CFAP58: variants seen among roughly 807,000 people sequenced by gnomAD.
CFAP58 encodes cilia and flagella associated protein 58.
CFAP58 carries 88 observed loss-of-function variants against 119.5 expected under a neutral mutation model. That is an observed-to-expected ratio of 0.74 (90% CI 0.62 to 0.88). CFAP58 has a LOEUF of 0.88. Among genes scored for constraint, CFAP58 ranks in the 40% least tolerant of loss-of-function variants. CFAP58 has a pLI of 0.00. For missense variants in CFAP58, 990 were observed against 1,021.2 expected (o/e 0.97, Z 0.42); for synonymous variants, 365 against 366.3 (o/e 1.00, Z 0.04).
At chr10:104,361,409 A>G (rs1386990664) in intron 2 of CFAP58, among the ~76,000 whole-genome samples, 8 of 152,238 alleles carry the variant, frequency 5.3e-5, no homozygotes, top group Non-Finnish European at 1.0e-4. Flanking sequence ...GGATTGTTCT[A>G]AAGTTCACAT....
intron 9 of CFAP58, among the ~76,000 whole-genome samples, chr10:104,385,716 T>C (rs1392744334): frequency 1.3e-5 from 2 of 151,868 alleles, no homozygotes; most frequent in East Asian, 3.9e-4. Flanking sequence ...CTACAGAGAG[T>C]TGGTTTCTGA....
At chr10:104,368,717 C>A (rs1013050405) in intron 6 of CFAP58, among the ~76,000 whole-genome samples, 157 bp downstream of exon 6, 1 of 152,176 alleles carries the variant, frequency 6.6e-6, no homozygotes, top group African/African-American at 2.4e-5. Context: ...GCTTTAGGCC[C>A]AGAAGCAGAG....
At chr10:104,382,332 C>T in intron 9 of CFAP58, 1 of 577,142 alleles carries the variant, frequency 1.7e-6, no homozygotes, top group Non-Finnish European at 3.2e-6. Context: ...TAGGGTGAGG[C>T]AGCAAATATA....
intron 15 of CFAP58, among the ~76,000 whole-genome samples, chr10:104,426,002 G>A (rs1389397837): frequency 1.3e-5 from 2 of 152,160 alleles, no homozygotes; most frequent in Admixed American, 1.3e-4. Flanking sequence ...GGAGGCCGAG[G>A]TGGTGGATTG....
intron 13 of CFAP58, among the ~76,000 whole-genome samples, chr10:104,403,031 A>C (rs1366129471): frequency 6.6e-6 from 1 of 152,318 alleles, no homozygotes; most frequent in South Asian, 2.1e-4. Flanking sequence ...AACATTAAAC[A>C]GTATATTGAA....
intron 15 of CFAP58, among the ~76,000 whole-genome samples, chr10:104,445,078 T>G (rs2133095312): frequency 6.6e-6 from 1 of 152,072 alleles, no homozygotes; most frequent in South Asian, 2.1e-4. Context: ...ATCACAGCAC[T>G]TTGGGAGGCT....
At chr10:104,382,251 G>T (rs1239775322) in intron 9 of CFAP58, 1 of 712,590 alleles carries the variant, frequency 1.4e-6, no homozygotes, top group Non-Finnish European at 2.6e-6. Flanking sequence ...ATATTCCACC[G>T]GCCAACCAAG....
intron 5 of CFAP58, 73 bp downstream of exon 5, chr10:104,366,081 A>T: frequency 7.6e-7 from 1 of 1,311,676 alleles, no homozygotes; most frequent in Non-Finnish European, 1.0e-6. Flanking sequence ...CCTTTTGTGC[A>T]TTTTGAATTC....
intron 1 of CFAP58, among the ~76,000 whole-genome samples, chr10:104,357,973 A>G (rs2014604249): frequency 7.2e-6 from 1 of 138,362 alleles, no homozygotes; most frequent in Non-Finnish European, 1.5e-5. Context: ...ATGTACACAT[A>G]TGTACATATG....
At chr10:104,413,660 G>A (rs948361331) in intron 15 of CFAP58, among the ~76,000 whole-genome samples, 1 of 151,990 alleles carries the variant, frequency 6.6e-6, no homozygotes, top group Non-Finnish European at 1.5e-5. Context: ...GGATGAGGCA[G>A]GTCTATATGC....
At chr10:104,358,084 T>C (rs536884445) in intron 1 of CFAP58, among the ~76,000 whole-genome samples, 129 of 138,926 alleles carry the variant, frequency 9.3e-4, no homozygotes, top group East Asian at 8.0e-3. Context: ...TACATATATA[T>C]ACACACATAT....
At chr10:104,344,557 C>T in the CFAP58 span, among the ~76,000 whole-genome samples, 1 of 152,134 alleles carries the variant, frequency 6.6e-6, no homozygotes, top group East Asian at 1.9e-4. Flanking sequence ...TTTTTCCTAC[C>T]TGTCCTCAGG....
At chr10:104,407,210 G>A (rs749258704) in intron 15 of CFAP58, among the ~76,000 whole-genome samples, 6 of 152,226 alleles carry the variant, frequency 3.9e-5, no homozygotes, top group Non-Finnish European at 8.8e-5. Flanking sequence ...AATGGAAGAA[G>A]AGATTTCTTT....
rs1362158709 is a variant in CFAP58 at position 104,400,861 on chromosome 10, AG to A, written c.2001del (p.Ile668PhefsTer24). 2 of 1,614,014 alleles carry A rather than the reference AG, an allele frequency of 1.2e-6. No individual in the cohort carries two copies. Among genetic ancestry groups the A allele is most frequent in the Non-Finnish European group, 8.5e-7 (1 of 1,180,004 alleles). On this transcript the variant is annotated frameshift_variant, in exon 13 of 18. Coordinates refer to ENST00000369704, the MANE Select transcript of CFAP58 (RefSeq NM_001008723.2). LOFTEE classifies it high-confidence loss of function. ...GAGATCAAGAAGCTTCGCCGGGAAA[AG>A]GGGATTCTTGCCAGGAGTATGGCTA... ...RLEIKKLRRE[K>X]GILARSMANV...
chr10:104,378,778 T>C (rs1262389789), intron 8 of CFAP58, among the ~76,000 whole-genome samples: 2 of 152,194 alleles, frequency 1.3e-5, no homozygotes, highest in Non-Finnish European at 2.9e-5. Context: ...TCCATTCAGT[T>C]GCAGTTAAAG....
At chr10:104,369,607 A>G (rs2014796448) in intron 6 of CFAP58, among the ~76,000 whole-genome samples, 1 of 152,224 alleles carries the variant, frequency 6.6e-6, no homozygotes, top group Non-Finnish European at 1.5e-5. Flanking sequence ...AGTCAAAATA[A>G]TGTATTAGCC....
intron 1 of CFAP58, among the ~76,000 whole-genome samples, chr10:104,357,261 T>C (rs2014555033): frequency 6.6e-6 from 1 of 152,204 alleles, no homozygotes; most frequent in South Asian, 2.1e-4. Flanking sequence ...TTGAAATAAT[T>C]TGTTGCCCAT....
chr10:104,386,148 T>C (rs1220553929), intron 9 of CFAP58, among the ~76,000 whole-genome samples: 6 of 141,104 alleles, frequency 4.3e-5, no homozygotes, highest in African/African-American at 1.5e-4. Context: ...GAGGCCAAGG[T>C]GGGTGGATCA....
chr10:104,361,163 T>C (rs935801610), intron 2 of CFAP58, among the ~76,000 whole-genome samples: 1 of 152,230 alleles, frequency 6.6e-6, no homozygotes, highest in African/African-American at 2.4e-5. Context: ...TTACTGTGCT[T>C]TTCTCCTTTA....
Sources: allele counts gnomAD v4.1 joint callset (sites outside exome capture counted in the v4.1 genomes callset), GRCh38; gene constraint gnomAD v4.1.1; transcripts MANE v1.5; gene names NCBI Gene and HGNC (gene_info 2026-07-23, HGNC 2026-07-21).